DAB1: variants seen among roughly 807,000 people sequenced by gnomAD.
DAB1 encodes DAB adaptor protein 1.
Under a neutral mutation model 64.6 loss-of-function variants are expected in DAB1, and 15 were observed. That is an observed-to-expected ratio of 0.23 (90% CI 0.16 to 0.36). The LOEUF is 0.36. Among genes scored for constraint, DAB1 ranks in the 10% least tolerant of loss-of-function variants. DAB1 has a pLI of 1.00. For missense variants in DAB1, 596 were observed against 706.7 expected, an observed-to-expected ratio of 0.84 and a Z score of 1.78; for synonymous variants, 235 against 251.9, an observed-to-expected ratio of 0.93 and a Z score of 0.64.
At chr1:57,221,258 G>C (rs1396907111) in intron 2 of DAB1, among the ~76,000 whole-genome samples, 1 of 148,582 alleles carries the variant, frequency 6.7e-6, no homozygotes, top group South Asian at 2.2e-4. Context: ...GGGGTGGGGG[G>C]ATGGGGGAGG....
intron 3 of DAB1, among the ~76,000 whole-genome samples, chr1:58,386,996 G>A (rs338940): frequency 0.09 from 13,754 of 152,266 alleles, 686 homozygotes; most frequent in Non-Finnish European, 0.12. Context: ...GGAGGCAGAA[G>A]TTGTGGTGAG....
chr1:57,645,359 G>C (rs1310528032), intron 7 of DAB1, among the ~76,000 whole-genome samples: 1 of 152,114 alleles, frequency 6.6e-6, no homozygotes, highest in East Asian at 1.9e-4. Context: ...TGACTGTTTA[G>C]CAGTGAGGTC....
At chr1:58,133,784 G>A (rs977776137) in intron 5 of DAB1, among the ~76,000 whole-genome samples, 1 of 152,326 alleles carries the variant, frequency 6.6e-6, no homozygotes, top group East Asian at 1.9e-4. Context: ...TTGGCAGCCA[G>A]GTATTGCAGA....
chr1:58,244,332 C>G (rs1660438947), intron 4 of DAB1, among the ~76,000 whole-genome samples: 1 of 152,152 alleles, frequency 6.6e-6, no homozygotes, highest in African/African-American at 2.4e-5. Context: ...GTCCCAGAAT[C>G]TTATATAACC....
intron 3 of DAB1, among the ~76,000 whole-genome samples, chr1:58,472,406 T>C (rs1645369478): frequency 1.3e-5 from 2 of 152,242 alleles, no homozygotes; most frequent in Non-Finnish European, 2.9e-5. Flanking sequence ...TTTATAGTTT[T>C]TATTTTGTTT....
intron 5 of DAB1, among the ~76,000 whole-genome samples, chr1:58,078,775 A>G (rs1457633328): frequency 6.6e-6 from 1 of 152,206 alleles, no homozygotes; most frequent in Non-Finnish European, 1.5e-5. Context: ...GGCGAGTCCC[A>G]TTAGAGGGCA....
intron 1 of DAB1, among the ~76,000 whole-genome samples, chr1:57,348,587 G>C (rs934431709): frequency 2.6e-5 from 4 of 152,068 alleles, no homozygotes; most frequent in Non-Finnish European, 5.9e-5. Context: ...TACATCATCT[G>C]TTCAGTAACT....
At chr1:58,541,478 G>C (rs1646614352) in intron 1 of DAB1, 1 of 149,528 alleles carries the variant, frequency 6.7e-6, no homozygotes, top group South Asian at 2.1e-4. Context: ...GGATTACAAA[G>C]AGTGGTGCTT....
intron 4 of DAB1, among the ~76,000 whole-genome samples, chr1:58,155,592 A>G (rs957879215): frequency 6.6e-6 from 1 of 152,224 alleles, no homozygotes; most frequent in African/African-American, 2.4e-5. Context: ...AGAAATAAAA[A>G]TTTCATCACA....
intron 4 of DAB1, among the ~76,000 whole-genome samples, chr1:58,282,141 G>C (rs1661578170): frequency 6.6e-6 from 1 of 152,126 alleles, no homozygotes; most frequent in African/African-American, 2.4e-5. Flanking sequence ...TAGATCCTAG[G>C]ATTCCCACAT....
chr1:57,343,583 G>C (rs796725110), intron 1 of DAB1, among the ~76,000 whole-genome samples: 4 of 152,206 alleles, frequency 2.6e-5, no homozygotes, highest in South Asian at 4.1e-4. Context: ...TGCAGGTCCC[G>C]AGCCCTGCCC....
intron 4 of DAB1, among the ~76,000 whole-genome samples, chr1:58,162,491 A>G (rs1424499033): frequency 6.6e-6 from 1 of 152,196 alleles, no homozygotes; most frequent in East Asian, 1.9e-4. Flanking sequence ...ATTCAGAAAA[A>G]CGCAAAGAGA....
chr1:57,430,398 C>T (rs890086374), intron 7 of DAB1, among the ~76,000 whole-genome samples: 2 of 135,058 alleles, frequency 1.5e-5, no homozygotes, highest in African/African-American at 5.6e-5. Context: ...TTTTTTGAGA[C>T]GGAGTCTTGC....
At chr1:57,460,836 A>G (rs1206064235) in intron 7 of DAB1, among the ~76,000 whole-genome samples, 2 of 152,166 alleles carry the variant, frequency 1.3e-5, no homozygotes, top group Non-Finnish European at 2.9e-5. Context: ...GCCAGAATTA[A>G]GCCATCCATT....
intron 5 of DAB1, among the ~76,000 whole-genome samples, chr1:58,022,683 C>T (rs940875723): frequency 2.5e-4 from 38 of 152,244 alleles, no homozygotes; most frequent in African/African-American, 8.2e-4. Flanking sequence ...AAAGCAAAAT[C>T]CTTATCCTTT....
chr1:57,245,522 A>G (rs1409644343), intron 2 of DAB1, among the ~76,000 whole-genome samples: 1 of 152,016 alleles, frequency 6.6e-6, no homozygotes, highest in Non-Finnish European at 1.5e-5. Flanking sequence ...ATGAGTGAGA[A>G]CTTGTGGTGT....
chr1:58,039,705 CG>C (rs1223124894), intron 5 of DAB1, among the ~76,000 whole-genome samples: 6 of 152,126 alleles, frequency 3.9e-5, no homozygotes, highest in Admixed American at 3.9e-4. Context: ...CAGTGTGGCC[CG>C]GTAGTGAAGA....
intron 5 of DAB1, chr1:58,048,397 G>A: frequency 1.1e-6 from 1 of 934,376 alleles, no homozygotes; most frequent in Non-Finnish European, 1.8e-6. Context: ...CACTGCCACT[G>A]CCAAAGCTAC....
At chr1:57,565,943 A>T (rs1645115039) in intron 7 of DAB1, among the ~76,000 whole-genome samples, 1 of 152,202 alleles carries the variant, frequency 6.6e-6, no homozygotes, top group Non-Finnish European at 1.5e-5. Flanking sequence ...ACATCTACAG[A>T]ACTCTCCACC....
Sources: allele counts gnomAD v4.1 joint callset (sites outside exome capture counted in the v4.1 genomes callset), GRCh38; gene constraint gnomAD v4.1.1; transcripts MANE v1.5; gene names NCBI Gene and HGNC (gene_info 2026-07-23, HGNC 2026-07-21).